Variants in SCN2B observed in about 807,000 individuals in gnomAD.
The protein encoded by SCN2B is sodium channel regulatory subunit beta-2.
SCN2B carries 14 observed loss-of-function variants against 18.2 expected under a neutral mutation model. The ratio of observed to expected loss-of-function variants is 0.77; its 90% CI spans 0.51 to 1.21. The LOEUF is 1.21. Ranked by LOEUF, SCN2B falls within the 50% of genes most tolerant of loss-of-function variation. The pLI is 0.00. For synonymous variants in SCN2B, 115 were observed against 115.3 expected, an observed-to-expected ratio of 1.00 and a Z score of 0.02; for missense variants, 262 against 286.9, an observed-to-expected ratio of 0.91 and a Z score of 0.63.
rs1555100901 is a variant in SCN2B, at chr11:118,168,641, T to A, written c.181A>T (p.Lys61Ter). The change falls in exon 2 of 4, where the codon AAA becomes TAA. Residue 61 changes from lysine (K) to a stop codon, truncating the protein, a stop_gained. Transcript: ENST00000278947. LOFTEE classifies it high-confidence loss of function. This position sits in a 1 kb window ranked among gnomAD's most constrained non-coding sequence, Gnocchi z 4.7. Reference protein sequence around the residue: ...TFNSCYTVNHKQFSLNWTYQE... With the variant: ...TFNSCYTVNH ...TAAGTCCAGTTCAGGGAGAACTGTT[T>A]GTGGTTCACTGTGTAGCAGGAGTTG... The A allele has an allele frequency of 1.2e-6, 2 of 1,614,254 alleles. No homozygotes were observed. Among genetic ancestry groups the A allele is most frequent in the Non-Finnish European group, 1.7e-6 (2 of 1,180,046 alleles).
At chr11:118,174,333 G>GT (rs1948453379) in intron 1 of SCN2B, among the ~76,000 whole-genome samples, 1 of 151,860 alleles carries the variant, frequency 6.6e-6, no homozygotes, top group Non-Finnish European at 1.5e-5. Context: ...AAACTTGAGG[G>GT]AAGCCCAGTC....
rs1055815744 is a variant in SCN2B at position 118,168,536 on chromosome 11, A to T, written c.237+49T>A. On this transcript the variant is annotated intron_variant, in intron 2 of 3. Coordinates refer to ENST00000278947, the MANE Select transcript of SCN2B (RefSeq NM_004588.5). The surrounding 1 kb of genome is among the most constrained non-coding windows in gnomAD (Gnocchi z 4.7). ...GTGGTGGGACCAGGGGCTTCATGCC[A>T]TGGGGCTCCTACCTCCTCCCCTGCC... is the stretch of plus-strand genomic sequence containing the variant. The T allele has an allele frequency of 6.2e-7, 1 of 1,611,392 alleles. No homozygotes were observed. Among genetic ancestry groups the T allele is most frequent in the Non-Finnish European group, 8.5e-7 (1 of 1,177,862 alleles).
chr11:118,169,901 C>A (rs1173167055), intron 1 of SCN2B, among the ~76,000 whole-genome samples: 3 of 152,164 alleles, frequency 2.0e-5, no homozygotes. Flanking sequence ...ACTGCCTGGT[C>A]ATGGAAATAC....
chr11:118,168,164 C>T lies in SCN2B; in HGVS notation c.369G>A (p.Gly123=), dbSNP rs763298135. 3.1e-6 allele frequency: 5 copies of T among 1,614,080 alleles called. No individual in the cohort carries two copies. The highest frequency in any genetic ancestry group is 1.6e-4 in the Middle Eastern group (1 of 6,084). ...MLRNVQPEDE[G]IYNCYIMNPP... ...GGTTCATGATGTAGCAGTTGTAAATCCCCTCATCCTCCGGCTGCACGTTTC... is the reference window on the plus strand; with the variant it reads ...GGTTCATGATGTAGCAGTTGTAAATTCCCTCATCCTCCGGCTGCACGTTTC... Residue 123 remains glycine (G), a synonymous_variant, in exon 3 of 4, where the codon GGG becomes GGA. Transcript: ENST00000278947. This position sits in a 1 kb window ranked among gnomAD's most constrained non-coding sequence, Gnocchi z 4.7.
Position 118,166,641 on chromosome 11 carries a change from T to A in SCN2B, c.*246A>T. On this transcript the variant is annotated 3_prime_UTR_variant, in exon 4 of 4. Transcript: ENST00000278947. ...CTGCCTCCCCCCAGGGACTGGCAGGTGGGAGCCCTTTCTCTCCTCTCCCCA... is the reference window on the plus strand; with the variant it reads ...CTGCCTCCCCCCAGGGACTGGCAGGAGGGAGCCCTTTCTCTCCTCTCCCCA... 1.8e-6 allele frequency: 1 copy of A among 552,642 alleles called. No homozygotes were observed. The highest frequency in any genetic ancestry group is 3.1e-5 in the East Asian group (1 of 32,158). 34.2% of individuals were successfully genotyped at this position (552,642 alleles called of 1,614,324 possible). A position where few individuals can be genotyped will look rare whatever the true frequency, so the allele number is the denominator to read the frequency against.
chr11:118,168,705 G>A lies in SCN2B; in HGVS notation c.117C>T (p.Asn39=), dbSNP rs376392495. 1.6e-5 allele frequency: 26 copies of A among 1,614,140 alleles called. No homozygotes were observed. The highest frequency in any genetic ancestry group is 6.7e-5 in the East Asian group (3 of 44,900). ...SMEVTVPATL[N]VLNGSDARLP... ...GGCGGGCGTCAGAGCCATTGAGGAC[G>A]TTGAGGGTGGCAGGTACTGTGACCT... is the stretch of plus-strand genomic sequence containing the variant. Residue 39 remains asparagine, a synonymous_variant, in exon 2 of 4, where the codon AAC becomes AAT. Transcript: ENST00000278947. The surrounding 1 kb of genome is among the most constrained non-coding windows in gnomAD (Gnocchi z 4.7).
At chr11:118,174,103 T>TTTTTTTG (rs1565464866) in intron 1 of SCN2B, among the ~76,000 whole-genome samples, 14 of 128,122 alleles carry the variant, frequency 1.1e-4, no homozygotes, top group African/African-American at 4.0e-4. Flanking sequence ...TTTTTTTTTT[T>TTTTTTTG]TTTTTTTTTT....
intron 1 of SCN2B, among the ~76,000 whole-genome samples, chr11:118,174,481 A>G (rs1403706888): frequency 1.3e-5 from 2 of 151,826 alleles, no homozygotes. Flanking sequence ...CTCCCTCGTC[A>G]CTTGTGGCAT....
chr11:118,174,788 G>T (rs1370295652), intron 1 of SCN2B, among the ~76,000 whole-genome samples: 2 of 152,124 alleles, frequency 1.3e-5, no homozygotes. Flanking sequence ...CTTAGCCATG[G>T]CTCTCACCAG....
intron 1 of SCN2B, among the ~76,000 whole-genome samples, chr11:118,171,200 AGAG>A (rs1432629738): frequency 2.0e-5 from 3 of 152,164 alleles, no homozygotes; most frequent in Non-Finnish European, 4.4e-5. Context: ...TGCGTTTTCT[AGAG>A]GAGGAGTCCA....
At chr11:118,173,800 A>T (rs1286686866) in intron 1 of SCN2B, among the ~76,000 whole-genome samples, 1 of 152,186 alleles carries the variant, frequency 6.6e-6, no homozygotes, top group Non-Finnish European at 1.5e-5. Flanking sequence ...GTGGGGACTC[A>T]ATAAAGTCTA....
At chr11:118,174,293 C>T (rs1948453126) in intron 1 of SCN2B, among the ~76,000 whole-genome samples, 1 of 151,726 alleles carries the variant, frequency 6.6e-6, no homozygotes, top group South Asian at 2.1e-4. Flanking sequence ...GTAAGCAGGC[C>T]AGTGACTGTG....
Position 118,168,325 on chromosome 11 carries a change from G to A in SCN2B, c.238-30C>T, listed in dbSNP as rs914978476. The A allele has an allele frequency of 5.0e-6, 8 of 1,585,336 alleles. No individual in the cohort carries two copies. The highest frequency in any genetic ancestry group is 6.9e-6 in the Non-Finnish European group (8 of 1,154,164). ...GGTTGGAGCAAGGGACAGGATGGGT[G>A]GCTGGATGAGCAAGGAACTACAAGG... On this transcript the variant is annotated intron_variant, in intron 2 of 3. Transcript: ENST00000278947. The surrounding 1 kb of genome is among the most constrained non-coding windows in gnomAD (Gnocchi z 4.7).
Position 118,167,017 on chromosome 11 carries a change from A to G in SCN2B, c.518T>C (p.Val173Ala). 1 of 1,613,778 alleles carries G rather than the reference A, an allele frequency of 6.2e-7. No individual in the cohort carries two copies. The highest frequency in any genetic ancestry group is 8.5e-7 in the Non-Finnish European group (1 of 1,179,980). Reference sequence around the variant, plus strand: ...CTTGACCACCATCAGCACCAAGATGACCACAGCCAGGAAGCCCCCGACGGA... The same window carrying G: ...CTTGACCACCATCAGCACCAAGATGGCCACAGCCAGGAAGCCCCCGACGGA... ...GASVGGFLAV[V>A]ILVLMVVKCV... The change falls in exon 4 of 4, where the codon GTC becomes GCC. Residue 173 changes from valine to alanine, a missense_variant. Physicochemically the swap from Val to Ala is moderately conservative, Grantham distance 64. Coordinates refer to ENST00000278947, the MANE Select transcript of SCN2B (RefSeq NM_004588.5).
Position 118,168,007 on chromosome 11 carries a change from A to T in SCN2B, c.448+78T>A, listed in dbSNP as rs1457436371. 1.6e-6 allele frequency: 2 copies of T among 1,272,190 alleles called. No individual in the cohort carries two copies. Among genetic ancestry groups the T allele is most frequent in the Non-Finnish European group, 2.2e-6 (2 of 889,480 alleles). 78.8% of individuals were successfully genotyped at this position (1,272,190 alleles called of 1,614,324 possible). On this transcript the variant is annotated intron_variant, in intron 3 of 3. Transcript: ENST00000278947. This position sits in a 1 kb window ranked among gnomAD's most constrained non-coding sequence, Gnocchi z 4.7. ...TCCTCAGGAGGGCCTGGCCTCCCCA[A>T]AGTGCCCTGAGCAAATGCCGCAGAG...
Position 118,168,134 on chromosome 11 carries a change from AG to A in SCN2B, c.398del (p.Pro133LeufsTer28). 2 of 1,614,162 alleles carry A rather than the reference AG, an allele frequency of 1.2e-6. No homozygotes were observed. Among genetic ancestry groups the A allele is most frequent in the Non-Finnish European group, 1.7e-6 (2 of 1,180,016 alleles). Reference protein sequence around the residue: ...GIYNCYIMNPPDRHRGHGKIH... With the variant: ...GIYNCYIMNPXDRHRGHGKIH... ...TCTTGCCATGGCCACGGTGGCGGTC[AG>A]GGGGGTTCATGATGTAGCAGTTGTA... On this transcript the variant is annotated frameshift_variant, in exon 3 of 4. Coordinates refer to ENST00000278947, the MANE Select transcript of SCN2B (RefSeq NM_004588.5). LOFTEE classifies it high-confidence loss of function. This position sits in a 1 kb window ranked among gnomAD's most constrained non-coding sequence, Gnocchi z 4.7.
chr11:118,173,047 A>G (rs1948442141), intron 1 of SCN2B, among the ~76,000 whole-genome samples: 1 of 150,980 alleles, frequency 6.6e-6, no homozygotes, highest in African/African-American at 2.4e-5. Flanking sequence ...AACCCCGGCC[A>G]CTCCAGTCCA....
intron 3 of SCN2B, 152 bp from the exon 4 acceptor site, chr11:118,167,238 C>G: frequency 1.3e-6 from 1 of 778,158 alleles, no homozygotes; most frequent in Non-Finnish European, 2.0e-6. Context: ...AGTGACTGAC[C>G]CTGAAGCGCC....
chr11:118,167,143 A>T lies in SCN2B; in HGVS notation c.449-57T>A, dbSNP rs1591444328. On this transcript the variant is annotated intron_variant, in intron 3 of 3. Coordinates refer to ENST00000278947, the MANE Select transcript of SCN2B (RefSeq NM_004588.5). ...GGCTGGGAAAGGGGCCTCCCCCATC[A>T]CCCCACTACCCGTGGCATGCGTGGA... The T allele has an allele frequency of 1.7e-5, 27 of 1,544,496 alleles. No individual in the cohort carries two copies. In the South Asian group the frequency reaches 3.1e-4, roughly 18 times the overall value.
Sources: gnomAD v4.1 joint callset for allele counts (sites outside exome capture counted in the v4.1 genomes callset) on GRCh38, gnomAD v4.1.1 for gene constraint, Gnocchi (gnomAD v3.1) non-coding constraint, MANE v1.5 for transcripts, NCBI Gene and HGNC (gene_info 2026-07-23, HGNC 2026-07-21) for gene names.